UNC80: variants seen among roughly 807,000 people sequenced by gnomAD.
The protein encoded by UNC80 is unc-80 subunit of NALCN channel complex, also known as protein unc-80 homolog.
In UNC80, 164 loss-of-function variants were observed where a neutral mutation model predicts 384.6. The ratio of observed to expected loss-of-function variants is 0.43; its 90% confidence interval spans 0.38 to 0.49. UNC80 has a LOEUF of 0.49. UNC80 is among the 20% of genes least tolerant of loss of function. UNC80 has a pLI of 0.00. For missense variants in UNC80, 3,330 were observed against 4,143.0 expected, an observed-to-expected ratio of 0.80 and a Z score of 5.39; for synonymous variants, 1,486 against 1,527.8, an observed-to-expected ratio of 0.97 and a Z score of 0.64.
At position 209,977,001 on chromosome 2, in the gene UNC80, C is replaced by G. The variant is rs766969243; in HGVS notation, c.8861C>G (p.Pro2954Arg). Residue 2954 changes from proline (P) to arginine (R), a missense_variant, in exon 58 of 65, where the codon CCT (proline) becomes CGT (arginine). Physicochemically the swap from Pro to Arg is moderately radical, Grantham distance 103. Transcript: ENST00000673920. ...DQLERRFIPRPLCKSSLIAEF... is the reference protein window; with the variant it reads ...DQLERRFIPRRLCKSSLIAEF... ...CTGGAGCGGCGCTTCATACCACGCC[C>G]TTTGTGTAAGAGCTCGCTCATTGCT... The G allele has an allele frequency of 3.2e-6, 5 of 1,539,716 alleles. No homozygotes were observed. Among genetic ancestry groups the G allele is most frequent in the Non-Finnish European group, 4.4e-6 (5 of 1,137,222 alleles).
intron 4 of UNC80, among the ~76,000 whole-genome samples, chr2:209,780,219 C>T (rs903719477): frequency 1.3e-5 from 2 of 152,144 alleles, no homozygotes. Flanking sequence ...TCATGTTTAA[C>T]TTATGGCTTG....
chr2:209,886,889 A>G (rs1406008776), intron 25 of UNC80, among the ~76,000 whole-genome samples: 1 of 152,170 alleles, frequency 6.6e-6, no homozygotes, highest in African/African-American at 2.4e-5. Context: ...CAAGGCAGGT[A>G]TTGCTGGGCT....
At chr2:209,916,428 G>C (rs1001794885) in intron 31 of UNC80, among the ~76,000 whole-genome samples, 3 of 152,182 alleles carry the variant, frequency 2.0e-5, no homozygotes, top group African/African-American at 7.2e-5. Context: ...TGGATCTGAG[G>C]ATTCGTGAGC....
intron 51 of UNC80, among the ~76,000 whole-genome samples, chr2:209,963,782 A>G (rs1389742694): frequency 1.3e-5 from 2 of 152,236 alleles, no homozygotes; most frequent in Non-Finnish European, 2.9e-5. Context: ...AGAGAAGACA[A>G]TGGGAATTAA....
intron 6 of UNC80, among the ~76,000 whole-genome samples, chr2:209,792,480 T>C (rs1219622533): frequency 6.6e-6 from 1 of 152,160 alleles, no homozygotes; most frequent in Non-Finnish European, 1.5e-5. Flanking sequence ...CCCGAGTAGC[T>C]GGGACTACAG....
chr2:209,948,060 T>C (rs1343948746), intron 47 of UNC80, among the ~76,000 whole-genome samples: 1 of 152,180 alleles, frequency 6.6e-6, no homozygotes, highest in African/African-American at 2.4e-5. Flanking sequence ...TGTATGACTA[T>C]GTTACAATTT....
In UNC80 at chr2:209,862,649, C is replaced by CTTTTTTTTTTTTTTTTTTTTTTTTT. The variant is rs71043955; in HGVS notation, c.3628-10090_3628-10089insTTTTTTTTTTTTTTTTTTTTTTTTT. On this transcript the variant is annotated intron_variant, in intron 22 of 64. Coordinates refer to ENST00000673920, the MANE Select transcript of UNC80 (RefSeq NM_001371986.1). ...TCAGAGACTAGGATTGCAACCTCTG[C>CTTTTTTTTTTTTTTTTTTTTTTTTT]TTTTTTTTTTTTTTTTTTTGCTTTC... 3.9e-4 allele frequency among the ~76,000 whole-genome samples: 31 copies of CTTTTTTTTTTTTTTTTTTTTTTTTT among 78,796 alleles called. 4 individuals are homozygous for CTTTTTTTTTTTTTTTTTTTTTTTTT. Among genetic ancestry groups the CTTTTTTTTTTTTTTTTTTTTTTTTT allele is most frequent in the Middle Eastern group, 8.9e-3 (1 of 112 alleles). 51.7% of individuals were successfully genotyped at this position (78,796 alleles called of 152,430 possible). A position where few individuals can be genotyped will look rare whatever the true frequency, so the allele number is the denominator to read the frequency against.
At position 209,994,124 on chromosome 2, in the gene UNC80, A is replaced by G. The variant is rs2093442198; in HGVS notation, c.9568A>G (p.Thr3190Ala). The G allele has an allele frequency of 6.4e-7, 1 of 1,551,556 alleles. No homozygotes were observed. The highest frequency in any genetic ancestry group is 1.4e-5 in the African/African-American group (1 of 72,986). Residue 3190 changes from threonine to alanine, a missense_variant, in exon 64 of 65, where the codon ACA becomes GCA. By Grantham distance (58) the Thr-to-Ala change is moderately conservative. Around this residue, in one of 8 missense-constraint regions of UNC80, gnomAD observed 236 missense variants for 254.9 expected, o/e 0.93. Transcript: ENST00000673920. ...EAQPEPAAAPTDALPATGQLQ... is the reference protein window; with the variant it reads ...EAQPEPAAAPADALPATGQLQ... ...TCAGCCAGAGCCAGCAGCTGCCCCA[A>G]CAGATGCGCTTCCTGCAACAGGCCA...
intron 31 of UNC80, among the ~76,000 whole-genome samples, chr2:209,916,249 GTCT>G (rs572180970): frequency 1.5e-3 from 234 of 152,208 alleles, no homozygotes; most frequent in African/African-American, 5.4e-3. Flanking sequence ...TAAGCCACTG[GTCT>G]TCTCCACATC....
chr2:209,777,117 A>G (rs923396712), intron 3 of UNC80, 141 bp from the exon 4 acceptor site: 1 of 989,664 alleles, frequency 1.0e-6, no homozygotes, highest in Middle Eastern at 3.3e-4. Flanking sequence ...AGGGAAGTCC[A>G]AAAAGCAAGA....
intron 38 of UNC80, among the ~76,000 whole-genome samples, chr2:209,933,451 GT>G (rs924345011): frequency 2.5e-4 from 37 of 150,556 alleles, no homozygotes; most frequent in African/African-American, 9.0e-4. Context: ...GTGCTCTTAG[GT>G]TTGAGACTAT....
At chr2:209,779,053 A>G (rs888344864) in intron 4 of UNC80, among the ~76,000 whole-genome samples, 1 of 151,972 alleles carries the variant, frequency 6.6e-6, no homozygotes, top group African/African-American at 2.4e-5. Flanking sequence ...AACATACTAA[A>G]CTCTTTAGGT....
At position 209,929,926 on chromosome 2, in the gene UNC80, G is replaced by C; in HGVS notation, c.5862G>C (p.Thr1954=). 1 of 1,539,404 alleles carries C rather than the reference G, an allele frequency of 6.5e-7. No homozygotes were observed. The highest frequency in any genetic ancestry group is 8.8e-7 in the Non-Finnish European group (1 of 1,142,588). Reference sequence around the variant, plus strand: ...ACTGTCTAATTGAAGATCCATCAACGGTTCTTCGACATTTTCTGGAAAAAC... The same window carrying C: ...ACTGTCTAATTGAAGATCCATCAACCGTTCTTCGACATTTTCTGGAAAAAC... The part of the protein sequence containing the change: ...LWNCLIEDPS[T]VLRHFLEKLT... The change falls in exon 37 of 65, where the codon ACG becomes ACC. Residue 1954 remains threonine, a synonymous_variant. Coordinates refer to ENST00000673920, the MANE Select transcript of UNC80 (RefSeq NM_001371986.1).
Position 209,959,673 on chromosome 2 carries a change from G to C in UNC80, c.7771G>C (p.Ala2591Pro). 6.4e-7 allele frequency: 1 copy of C among 1,551,646 alleles called. No homozygotes were observed. The highest frequency in any genetic ancestry group is 8.7e-7 in the Non-Finnish European group (1 of 1,146,972). Reference protein sequence around the residue: ...QNLAGEPRVIALELLDVKSHM... With the variant: ...QNLAGEPRVIPLELLDVKSHM... ...TCTGGCTGGGGAGCCTCGGGTCATT[G>C]CCTTGGAACTGCTGGATGTGAAGTC... The change falls in exon 51 of 65, where the codon GCC becomes CCC. Residue 2591 changes from alanine (A) to proline (P), a missense_variant. Around this residue, in one of 8 missense-constraint regions of UNC80, gnomAD observed 1,049 missense variants for 1,488.6 expected, o/e 0.70. Coordinates refer to ENST00000673920, the MANE Select transcript of UNC80 (RefSeq NM_001371986.1).
At chr2:209,834,313 T>C (rs1181346352) in intron 17 of UNC80, 145 bp downstream of exon 17, 1 of 831,270 alleles carries the variant, frequency 1.2e-6, no homozygotes, top group African/African-American at 1.7e-5. Context: ...ACTGGTGTGG[T>C]GTAGCTGCAG....
chr2:209,885,688 T>G (rs1459028948), intron 25 of UNC80, among the ~76,000 whole-genome samples: 1 of 151,996 alleles, frequency 6.6e-6, no homozygotes, highest in Non-Finnish European at 1.5e-5. Flanking sequence ...ATTTTCTGAG[T>G]CAAAATGTAA....
intron 22 of UNC80, among the ~76,000 whole-genome samples, chr2:209,858,027 A>G (rs1320296428): frequency 1.3e-5 from 2 of 152,202 alleles, no homozygotes; most frequent in Non-Finnish European, 2.9e-5. Flanking sequence ...ACGTACGATC[A>G]AACTCATTAA....
At chr2:209,951,965 T>G (rs939513405) in intron 47 of UNC80, among the ~76,000 whole-genome samples, 1 of 152,224 alleles carries the variant, frequency 6.6e-6, no homozygotes, top group Non-Finnish European at 1.5e-5. Flanking sequence ...CATCTCTTCC[T>G]GTGTCTAATC....
At chr2:209,960,059 A>C (rs2092542589) in intron 51 of UNC80, among the ~76,000 whole-genome samples, 1 of 152,220 alleles carries the variant, frequency 6.6e-6, no homozygotes, top group Admixed American at 6.5e-5. Flanking sequence ...ATTTTTCACA[A>C]GAATTGAATG....
Sources: gnomAD v4.1 joint callset for allele counts (sites outside exome capture counted in the v4.1 genomes callset) on GRCh38, gnomAD v4.1.1 for gene constraint, gnomAD v4.1.1 regional missense constraint, MANE v1.5 for transcripts, NCBI Gene and HGNC (gene_info 2026-07-23, HGNC 2026-07-21) for gene names.